Variants in SRRM1 observed in about 807,000 individuals in gnomAD.
The protein encoded by SRRM1 is serine/arginine repetitive matrix protein 1.
A neutral mutation model predicts 110.2 loss-of-function variants in SRRM1; 19 were observed. That is an observed-to-expected ratio of 0.17 (90% CI 0.12 to 0.25). SRRM1 has a LOEUF of 0.25. Ranked by LOEUF, SRRM1 falls within the 10% of genes least tolerant of loss-of-function variation. SRRM1 has a pLI of 1.00. For synonymous variants in SRRM1, 443 were observed against 414.9 expected, an observed-to-expected ratio of 1.07 and a Z score of -0.82; for missense variants, 918 against 1,145.8, an observed-to-expected ratio of 0.80 and a Z score of 2.87.
intron 3 of SRRM1, 108 bp downstream of exon 3, chr1:24,646,897 ATGTT>A (rs1346022520): frequency 1.3e-5 from 12 of 894,580 alleles, no homozygotes; most frequent in East Asian, 8.7e-5. Flanking sequence ...TTATTTTACA[ATGTT>A]TGTTGTGAAA....
intron 14 of SRRM1, 77 bp downstream of exon 14, chr1:24,669,664 A>C: frequency 5.6e-6 from 6 of 1,075,480 alleles, no homozygotes; most frequent in East Asian, 2.6e-5. Context: ...CCACCCCCAT[A>C]TAAAAGGAAT....
intron 12 of SRRM1, among the ~76,000 whole-genome samples, chr1:24,665,464 A>G (rs960374356): frequency 4.0e-5 from 6 of 151,532 alleles, no homozygotes; most frequent in African/African-American, 1.5e-4. Flanking sequence ...CTGTAATCCC[A>G]GCACTTTGGG....
At chr1:24,651,829 A>G (rs946933267) in intron 6 of SRRM1, among the ~76,000 whole-genome samples, 3 of 151,514 alleles carry the variant, frequency 2.0e-5, no homozygotes, top group African/African-American at 4.8e-5. Flanking sequence ...TGTTTCAGGT[A>G]TTTTATATAT....
intron 9 of SRRM1, among the ~76,000 whole-genome samples, chr1:24,658,977 C>T (rs950443129): frequency 4.6e-5 from 7 of 152,116 alleles, no homozygotes; most frequent in South Asian, 2.1e-4. Context: ...GTGGATCACC[C>T]GAGGTTGGGA....
At chr1:24,652,864 A>G in intron 7 of SRRM1, 49 bp from the exon 8 acceptor site, 1 of 1,547,754 alleles carries the variant, frequency 6.5e-7, no homozygotes, top group Non-Finnish European at 8.7e-7. Context: ...AAGCCAAGAA[A>G]TTCCTCACTC....
At chr1:24,650,570 C>CT (rs1660069790) in intron 5 of SRRM1, 1 of 152,232 alleles carries the variant, frequency 6.6e-6, no homozygotes, top group Admixed American at 6.5e-5. Flanking sequence ...TCCAGTGAGA[C>CT]TATTGTTAGG....
chr1:24,644,223 T>C (rs557054310), intron 1 of SRRM1, among the ~76,000 whole-genome samples: 172 of 152,282 alleles, frequency 1.1e-3, no homozygotes, highest in African/African-American at 3.9e-3. Context: ...GCCCACACTT[T>C]ATCAGGCTCG....
Position 24,654,923 on chromosome 1 carries a change from C to T in SRRM1, c.1109C>T (p.Pro370Leu), listed in dbSNP as rs760234265. The T allele has an allele frequency of 1.2e-5, 20 of 1,614,072 alleles. No individual in the cohort carries two copies. Among genetic ancestry groups the T allele is most frequent in the East Asian group, 2.2e-5 (1 of 44,900 alleles). Residue 370 changes from proline (P) to leucine (L), a missense_variant, in exon 9 of 17, where the codon CCA (proline) becomes CTA (leucine). Around this residue, in one of 5 missense-constraint regions of SRRM1, gnomAD observed 456 missense variants for 453.5 expected, o/e 1.01. Coordinates refer to ENST00000323848, the MANE Select transcript of SRRM1 (RefSeq NM_005839.4). ...SSSSSSRSRS[P>L]PKKPPKRTSS... ...TCCTCTTCATCTCGTTCACGGTCAC[C>T]ACCAAAGAAGCCTCCCAAGAGGACA...
chr1:24,656,089 G>A (rs996662666), intron 9 of SRRM1, among the ~76,000 whole-genome samples: 1 of 152,018 alleles, frequency 6.6e-6, no homozygotes, highest in Non-Finnish European at 1.5e-5. Flanking sequence ...AAAAGAGAGA[G>A]AAAAAATTTC....
chr1:24,670,806 T>TA (rs1672337425), intron 15 of SRRM1, among the ~76,000 whole-genome samples: 2 of 152,218 alleles, frequency 1.3e-5, no homozygotes, highest in Admixed American at 6.5e-5. Flanking sequence ...AGCTAACTTG[T>TA]GAGGAATTTT....
At chr1:24,671,309 GAAATA>G (rs1345824935) in intron 15 of SRRM1, 72 bp from the exon 16 acceptor site, 1 of 1,399,790 alleles carries the variant, frequency 7.1e-7, no homozygotes, top group African/African-American at 1.4e-5. Context: ...GGGATTTGAG[GAAATA>G]AAATGTTCAG....
At chr1:24,671,685 C>A in intron 16 of SRRM1, 90 bp downstream of exon 16, 1 of 1,177,924 alleles carries the variant, frequency 8.5e-7, no homozygotes, top group Non-Finnish European at 1.2e-6. Flanking sequence ...ATTGTTTTTT[C>A]TACTAATTAG....
intron 13 of SRRM1, among the ~76,000 whole-genome samples, chr1:24,668,862 A>G (rs952407385): frequency 2.0e-5 from 3 of 152,238 alleles, no homozygotes; most frequent in East Asian, 3.8e-4. Context: ...ACATCTTCTG[A>G]AAATTGCAAA....
At chr1:24,646,915 A>G (rs1657997435) in intron 3 of SRRM1, 126 bp downstream of exon 3, 1 of 779,504 alleles carries the variant, frequency 1.3e-6, no homozygotes, top group Non-Finnish European at 1.9e-6. Flanking sequence ...TGTGAAAAGA[A>G]TTCACTTTGT....
rs1172106968 is a variant in SRRM1, at chr1:24,655,140, A to G, written c.1315+11A>G. The stretch of plus-strand genomic sequence containing the variant: ...GAACTTCAGGTAAAGGTAAAAATCA[A>G]ACACATATGAAACATGGTCTCTCTT... On this transcript the variant is annotated intron_variant, in intron 9 of 16. Coordinates refer to ENST00000323848, the MANE Select transcript of SRRM1 (RefSeq NM_005839.4). 2.5e-6 allele frequency: 4 copies of G among 1,612,778 alleles called. No individual in the cohort carries two copies. The African/African-American group carries it at 4.0e-5, about 16-fold the overall frequency.
intron 13 of SRRM1, among the ~76,000 whole-genome samples, chr1:24,667,949 A>G (rs1670797096): frequency 6.8e-6 from 1 of 146,308 alleles, no homozygotes; most frequent in East Asian, 2.0e-4. Flanking sequence ...AAGCAATGTA[A>G]TGACATGCTG....
At chr1:24,654,411 G>GT in intron 8 of SRRM1, 1 of 1,176,260 alleles carries the variant, frequency 8.5e-7, no homozygotes, top group Non-Finnish European at 1.1e-6. Flanking sequence ...CTGCTTCTAA[G>GT]TTTATGTAGC....
intron 1 of SRRM1, among the ~76,000 whole-genome samples, chr1:24,644,282 T>C: frequency 6.6e-6 from 1 of 152,160 alleles, no homozygotes; most frequent in African/African-American, 2.4e-5. Context: ...AAATTAGTAC[T>C]AGATCAAGAT....
chr1:24,649,156 A>G, intron 4 of SRRM1, 127 bp downstream of exon 4: 2 of 806,316 alleles, frequency 2.5e-6, no homozygotes, highest in Admixed American at 3.1e-5. Flanking sequence ...GTATTTAAAC[A>G]TTCAGTTTTG....
Sources: gnomAD v4.1 joint callset for allele counts (sites outside exome capture counted in the v4.1 genomes callset) on GRCh38, gnomAD v4.1.1 for gene constraint, gnomAD v4.1.1 regional missense constraint, MANE v1.5 for transcripts, NCBI Gene and HGNC (gene_info 2026-07-23, HGNC 2026-07-21) for gene names.